The following GRIK2 variants were observed in gnomAD, a reference collection of about 807,000 sequenced individuals.
GRIK2 encodes the protein glutamate receptor ionotropic, kainate 2.
GRIK2 carries 32 observed loss-of-function variants against 100.3 expected under a neutral mutation model. That is an observed-to-expected ratio of 0.32 (90% CI 0.24 to 0.43). The LOEUF is 0.43. GRIK2 is among the 20% of genes least tolerant of loss of function. The probability of loss-of-function intolerance (pLI) is 1.00; values close to 1 mark genes in which losing one functional copy is unlikely to be tolerated. For missense variants in GRIK2, 843 were observed against 1,114.9 expected, an observed-to-expected ratio of 0.76 and a Z score of 3.47; for synonymous variants, 417 against 389.4, an observed-to-expected ratio of 1.07 and a Z score of -0.83.
intron 2 of GRIK2, among the ~76,000 whole-genome samples, chr6:101,414,195 G>A (rs948787628): frequency 1.3e-5 from 2 of 152,164 alleles, no homozygotes; most frequent in African/African-American, 4.8e-5. Context: ...TAAACCTGTT[G>A]TTTGCATCTT....
intron 2 of GRIK2, among the ~76,000 whole-genome samples, chr6:101,415,985 G>A (rs1776122822): frequency 6.6e-6 from 1 of 151,610 alleles, no homozygotes; most frequent in Non-Finnish European, 1.5e-5. Context: ...ATAAGTGCTA[G>A]CATAACCAGT....
intron 11 of GRIK2, among the ~76,000 whole-genome samples, chr6:101,861,631 G>A (rs1233859771): frequency 6.6e-6 from 1 of 152,020 alleles, no homozygotes; most frequent in Non-Finnish European, 1.5e-5. Flanking sequence ...CAACAAAGCA[G>A]GGACACCCTT....
At chr6:101,893,772 G>A (rs555459209) in intron 12 of GRIK2, among the ~76,000 whole-genome samples, 9 of 151,564 alleles carry the variant, frequency 5.9e-5, no homozygotes, top group Middle Eastern at 3.4e-3. Context: ...TTGGCTACCC[G>A]TAAGTACTAA....
chr6:101,627,511 T>C (rs781690935), intron 4 of GRIK2, among the ~76,000 whole-genome samples: 1 of 152,212 alleles, frequency 6.6e-6, no homozygotes, highest in African/African-American at 2.4e-5. Flanking sequence ...GGCAAAGCCT[T>C]GTGATGAGTC....
At chr6:101,655,243 C>T (rs1782001382) in intron 4 of GRIK2, among the ~76,000 whole-genome samples, 1 of 152,126 alleles carries the variant, frequency 6.6e-6, no homozygotes, top group South Asian at 2.1e-4. Context: ...ACATGGATTG[C>T]AGAATTTGTA....
At chr6:101,634,023 T>A (rs1780892171) in intron 4 of GRIK2, among the ~76,000 whole-genome samples, 1 of 152,156 alleles carries the variant, frequency 6.6e-6, no homozygotes, top group Admixed American at 6.6e-5. Flanking sequence ...ATCATTATTT[T>A]AAGCAAGATA....
intron 7 of GRIK2, among the ~76,000 whole-genome samples, chr6:101,757,065 A>G (rs1367875140): frequency 3.9e-5 from 6 of 152,302 alleles, no homozygotes; most frequent in African/African-American, 1.4e-4. Context: ...TCTTGCTTTA[A>G]ATAGCTTTAA....
intron 12 of GRIK2, among the ~76,000 whole-genome samples, chr6:101,908,939 T>C (rs1421140836): frequency 6.6e-6 from 1 of 151,228 alleles, no homozygotes; most frequent in Non-Finnish European, 1.5e-5. Flanking sequence ...TTGAAAGACA[T>C]ACTAGAGATC....
At chr6:101,754,121 A>G (rs868086237) in intron 7 of GRIK2, among the ~76,000 whole-genome samples, 4 of 152,098 alleles carry the variant, frequency 2.6e-5, no homozygotes, top group African/African-American at 9.6e-5. Context: ...CTATAAGTAT[A>G]TAGTATTGAT....
intron 12 of GRIK2, among the ~76,000 whole-genome samples, chr6:101,908,137 T>G (rs938001790): frequency 1.3e-5 from 2 of 151,542 alleles, no homozygotes; most frequent in Non-Finnish European, 3.0e-5. Flanking sequence ...AAGATTAAAT[T>G]TAGAAGAAAA....
chr6:101,697,975 A>T (rs1420934347), intron 7 of GRIK2, among the ~76,000 whole-genome samples: 2 of 152,106 alleles, frequency 1.3e-5, no homozygotes, highest in African/African-American at 4.8e-5. Flanking sequence ...CTATGTTCTG[A>T]GTACAGTTCA....
At chr6:101,908,640 A>C (rs2518213) in intron 12 of GRIK2, among the ~76,000 whole-genome samples, 1 of 151,094 alleles carries the variant, frequency 6.6e-6, no homozygotes, top group Non-Finnish European at 1.5e-5. Context: ...TAATTATATA[A>C]AATAATGTAG....
chr6:101,635,114 G>A (rs1295640656), intron 4 of GRIK2, among the ~76,000 whole-genome samples: 1 of 152,072 alleles, frequency 6.6e-6, no homozygotes, highest in Admixed American at 6.6e-5. Flanking sequence ...ATTTTAGGGA[G>A]TGGGGTAATT....
chr6:101,649,968 T>A lies in GRIK2; in HGVS notation c.541+23331T>A, dbSNP rs138645563. Among the ~76,000 whole-genome samples the A allele has an allele frequency of 5.9e-5, 9 of 152,172 alleles. No individual in the cohort carries two copies. In the East Asian group the frequency reaches 1.7e-3, roughly 30 times the overall value. ...GATGATCCCTTTTTCCATCTCTAGA[T>A]CTTCTAGAAGTAAATTTCACACAGT... is the stretch of plus-strand genomic sequence containing the variant. On this transcript the variant is annotated intron_variant, in intron 4 of 16. Transcript: ENST00000369134.
intron 14 of GRIK2, among the ~76,000 whole-genome samples, chr6:101,964,288 CATAT>C (rs1353025248): frequency 6.6e-6 from 1 of 151,602 alleles, no homozygotes; most frequent in Non-Finnish European, 1.5e-5. Context: ...TATGATATAA[CATAT>C]ATGTATATTA....
At chr6:101,733,329 C>T (rs1775407604) in intron 7 of GRIK2, among the ~76,000 whole-genome samples, 1 of 151,986 alleles carries the variant, frequency 6.6e-6, no homozygotes, top group African/African-American at 2.4e-5. Context: ...AATGGTGGAA[C>T]AGGTATAGGA....
At chr6:101,711,058 C>T (rs978056308) in intron 7 of GRIK2, among the ~76,000 whole-genome samples, 2 of 151,520 alleles carry the variant, frequency 1.3e-5, no homozygotes, top group Admixed American at 6.6e-5. Context: ...TGATGAGTGT[C>T]GCATTAAGAT....
intron 4 of GRIK2, among the ~76,000 whole-genome samples, chr6:101,674,524 C>T (rs1282296842): frequency 6.6e-6 from 1 of 152,102 alleles, no homozygotes; most frequent in East Asian, 1.9e-4. Context: ...TTTGGAAGGA[C>T]GTCATAGCCG....
intron 7 of GRIK2, among the ~76,000 whole-genome samples, chr6:101,722,234 G>A (rs906968743): frequency 1.3e-5 from 2 of 151,822 alleles, no homozygotes; most frequent in African/African-American, 4.8e-5. Context: ...GATTTTATTG[G>A]TTACTTATAC....
Sources: gnomAD v4.1 joint callset for allele counts (sites outside exome capture counted in the v4.1 genomes callset) on GRCh38, gnomAD v4.1.1 for gene constraint, MANE v1.5 for transcripts, NCBI Gene and HGNC (gene_info 2026-07-23, HGNC 2026-07-21) for gene names.